Variants in KCNH1 observed in about 807,000 individuals in gnomAD.
KCNH1 encodes voltage-gated delayed rectifier potassium channel KCNH1.
KCNH1 carries 27 observed loss-of-function variants against 69.2 expected under a neutral mutation model. The observed-to-expected ratio is 0.39, with a 90% CI of 0.29 to 0.54. KCNH1 has a LOEUF of 0.54. Ranked by LOEUF, KCNH1 falls within the 20% of genes least tolerant of loss-of-function variation. The probability of loss-of-function intolerance (pLI) is 0.68; values close to 1 mark genes in which losing one functional copy is unlikely to be tolerated. For synonymous variants in KCNH1, 456 were observed against 487.7 expected, an observed-to-expected ratio of 0.93 and a Z score of 0.86; for missense variants, 798 against 1,261.6, an observed-to-expected ratio of 0.63 and a Z score of 5.57.
At chr1:210,966,026 C>A (rs1442578811) in intron 6 of KCNH1, among the ~76,000 whole-genome samples, 3 of 152,068 alleles carry the variant, frequency 2.0e-5, no homozygotes, top group Non-Finnish European at 2.9e-5. Context: ...GTACTGGTAC[C>A]AAAACAGATA....
At chr1:211,031,911 G>A (rs531019270) in intron 5 of KCNH1, among the ~76,000 whole-genome samples, 108 of 152,150 alleles carry the variant, frequency 7.1e-4, no homozygotes, top group Admixed American at 2.5e-3. Context: ...TTCTGGCCAG[G>A]GCAATCAGGC....
chr1:210,705,958 T>G (rs1681903709), intron 10 of KCNH1, among the ~76,000 whole-genome samples: 1 of 152,208 alleles, frequency 6.6e-6, no homozygotes. Flanking sequence ...GATATTTGCA[T>G]ATTGTATTTT....
At chr1:210,937,508 CT>C (rs1040899177) in intron 6 of KCNH1, among the ~76,000 whole-genome samples, 21 of 152,196 alleles carry the variant, frequency 1.4e-4, no homozygotes, top group African/African-American at 5.1e-4. Context: ...ATGCAAGACC[CT>C]TTTGGCTAGA....
chr1:211,059,005 G>T (rs1690368520), intron 5 of KCNH1, among the ~76,000 whole-genome samples: 1 of 152,234 alleles, frequency 6.6e-6, no homozygotes, highest in Non-Finnish European at 1.5e-5. Context: ...AGTCAGCCAG[G>T]TGCGGTGGCT....
chr1:210,698,031 C>A (rs1397214893), intron 10 of KCNH1, among the ~76,000 whole-genome samples: 1 of 152,152 alleles, frequency 6.6e-6, no homozygotes, highest in Non-Finnish European at 1.5e-5. Context: ...CTCCTTCTGT[C>A]AATATACACA....
At chr1:211,104,892 G>A (rs1691324412) in intron 2 of KCNH1, among the ~76,000 whole-genome samples, 1 of 152,142 alleles carries the variant, frequency 6.6e-6, no homozygotes, top group South Asian at 2.1e-4. Context: ...AACCTCAGGG[G>A]TTATCAAGTG....
intron 6 of KCNH1, among the ~76,000 whole-genome samples, chr1:211,007,894 A>T (rs954099651): frequency 6.7e-6 from 1 of 149,096 alleles, no homozygotes; most frequent in African/African-American, 2.5e-5. Context: ...CTATATACAG[A>T]AAATAACAAG....
intron 10 of KCNH1, among the ~76,000 whole-genome samples, chr1:210,770,639 C>T (rs1038752113): frequency 1.5e-4 from 23 of 152,368 alleles, no homozygotes; most frequent in African/African-American, 5.3e-4. Context: ...TTGCTGTGTG[C>T]CTGTCACTAC....
intron 6 of KCNH1, among the ~76,000 whole-genome samples, chr1:210,944,784 A>G (rs998033796): frequency 4.6e-5 from 7 of 152,222 alleles, no homozygotes; most frequent in Non-Finnish European, 1.0e-4. Flanking sequence ...TATCATTTCA[A>G]CCCTCGTTAA....
chr1:210,987,175 A>T (rs1252022497), intron 6 of KCNH1, among the ~76,000 whole-genome samples: 13 of 151,984 alleles, frequency 8.6e-5, no homozygotes, highest in Non-Finnish European at 1.9e-4. Flanking sequence ...TATTCTAGTT[A>T]GCCATTCGTC....
intron 6 of KCNH1, among the ~76,000 whole-genome samples, chr1:210,947,548 C>G (rs1687983254): frequency 6.6e-6 from 1 of 150,996 alleles, no homozygotes; most frequent in Non-Finnish European, 1.5e-5. Context: ...GCACTCCAAC[C>G]TGGGCAACAC....
At chr1:210,841,338 C>T (rs1011121994) in intron 7 of KCNH1, among the ~76,000 whole-genome samples, 4 of 152,138 alleles carry the variant, frequency 2.6e-5, no homozygotes, top group African/African-American at 9.7e-5. Flanking sequence ...GAACTGTAAG[C>T]TATCAACTAG....
chr1:210,837,535 G>GA lies in KCNH1; in HGVS notation c.1463-33370dup, dbSNP rs1432773293. On this transcript the variant is annotated intron_variant, in intron 7 of 10. Coordinates refer to ENST00000271751, the MANE Select transcript of KCNH1 (RefSeq NM_172362.3). Reference sequence around the variant, plus strand: ...AGAGAAAATCCATAAACGTAAAGGGGAAAAATGTTAAAACTTTTTCTGTCA... The same window carrying GA: ...AGAGAAAATCCATAAACGTAAAGGGGAAAAAATGTTAAAACTTTTTCTGTCA... 3.9e-5 allele frequency among the ~76,000 whole-genome samples: 6 copies of GA among 152,230 alleles called. No homozygotes were observed. The South Asian group carries it at 1.0e-3, about 26-fold the overall frequency.
rs1685047546 is a variant in KCNH1 at position 210,827,073 on chromosome 1, C to T, written c.1463-22907G>A. Among the ~76,000 whole-genome samples, 7 of 152,228 alleles carry T rather than the reference C, an allele frequency of 4.6e-5. No individual in the cohort carries two copies. In the South Asian group the frequency reaches 1.2e-3, roughly 27 times the overall value. On this transcript the variant is annotated intron_variant, in intron 7 of 10. Transcript: ENST00000271751. ...CGGCTTGTGGCCAAGCGCAGTGGCTCATGCCTGTAATCCCAGTATTTTGGG... is the reference window on the plus strand; with the variant it reads ...CGGCTTGTGGCCAAGCGCAGTGGCTTATGCCTGTAATCCCAGTATTTTGGG...
chr1:210,857,472 G>A (rs549719904), intron 7 of KCNH1, among the ~76,000 whole-genome samples: 2 of 152,038 alleles, frequency 1.3e-5, no homozygotes, highest in Non-Finnish European at 2.9e-5. Flanking sequence ...GGGTGAGGGG[G>A]AACTGTCTGG....
intron 7 of KCNH1, among the ~76,000 whole-genome samples, chr1:210,842,924 TAAG>T (rs1043212153): frequency 6.6e-6 from 1 of 152,212 alleles, no homozygotes; most frequent in African/African-American, 2.4e-5. Flanking sequence ...ACAAGAACTC[TAAG>T]AAGGCTTTGT....
intron 10 of KCNH1, among the ~76,000 whole-genome samples, chr1:210,740,704 ATTTTTTTTTTTT>A (rs199727493): frequency 1.1e-4 from 13 of 117,250 alleles, no homozygotes; most frequent in Admixed American, 8.9e-4. Context: ...TTATGATTAA[ATTTTTTTTTTTT>A]TTTTTTTTTT....
intron 6 of KCNH1, among the ~76,000 whole-genome samples, chr1:210,983,979 G>A (rs1688769889): frequency 6.6e-6 from 1 of 152,048 alleles, no homozygotes; most frequent in Non-Finnish European, 1.5e-5. Flanking sequence ...CCTTGAAGGG[G>A]TCCTTCACAT....
chr1:210,802,152 T>C (rs1558475769), intron 8 of KCNH1, among the ~76,000 whole-genome samples: 1 of 152,230 alleles, frequency 6.6e-6, no homozygotes, highest in Non-Finnish European at 1.5e-5. Flanking sequence ...CTGTTCTTAA[T>C]GCATGTTCAA....
Sources: allele counts gnomAD v4.1 joint callset (sites outside exome capture counted in the v4.1 genomes callset), GRCh38; gene constraint gnomAD v4.1.1; transcripts MANE v1.5; gene names NCBI Gene and HGNC (gene_info 2026-07-23, HGNC 2026-07-21).